Variants in KLF5 observed in about 807,000 individuals in gnomAD.
KLF5 encodes the protein KLF transcription factor 5.
Under a neutral mutation model 36.9 loss-of-function variants are expected in KLF5, and 9 were observed. The ratio of observed to expected loss-of-function variants is 0.24; its 90% CI spans 0.15 to 0.43. KLF5 has a LOEUF of 0.43. KLF5 is among the 20% of genes least tolerant of loss of function. The pLI is 1.00. For synonymous variants in KLF5, 246 were observed against 241.7 expected (o/e 1.02, Z -0.17); for missense variants, 524 against 599.5 (o/e 0.87, Z 1.31).
At chr13:73,073,132 C>T (rs2044734022) in intron 3 of KLF5, among the ~76,000 whole-genome samples, 1 of 152,128 alleles carries the variant, frequency 6.6e-6, no homozygotes, top group Non-Finnish European at 1.5e-5. Flanking sequence ...TAAAGGAAGT[C>T]AGTTTGGTTT....
At position 73,062,030 on chromosome 13, in the gene KLF5, C is replaced by T; in HGVS notation, c.431C>T (p.Thr144Ile). 1 of 1,614,132 alleles carries T rather than the reference C, an allele frequency of 6.2e-7. No homozygotes were observed. Residue 144 changes from threonine to isoleucine, a missense_variant, in exon 2 of 4, where the codon ACT becomes ATT. By Grantham distance (89) the Thr-to-Ile change is moderately conservative. Coordinates refer to ENST00000377687, the MANE Select transcript of KLF5 (RefSeq NM_001730.5). ...ATGAACGTCTTCCTCCCTGACATCACTCACCTGAGAACTGGCCTCTACAAA... is the reference window on the plus strand; with the variant it reads ...ATGAACGTCTTCCTCCCTGACATCATTCACCTGAGAACTGGCCTCTACAAA... ...INMNVFLPDITHLRTGLYKSQ... is the reference protein window; with the variant it reads ...INMNVFLPDIIHLRTGLYKSQ...
chr13:73,060,854 G>C (rs1372998943), intron 1 of KLF5, among the ~76,000 whole-genome samples: 1 of 152,178 alleles, frequency 6.6e-6, no homozygotes, highest in African/African-American at 2.4e-5. Context: ...GAAAAGGCTT[G>C]AGGCGACTTG....
intron 3 of KLF5, among the ~76,000 whole-genome samples, chr13:73,070,112 C>T (rs1011874305): frequency 1.3e-5 from 2 of 152,154 alleles, no homozygotes; most frequent in African/African-American, 4.8e-5. Flanking sequence ...GGATCTCAAA[C>T]AACAACTCTT....
intron 3 of KLF5, among the ~76,000 whole-genome samples, chr13:73,073,435 A>G (rs1490262586): frequency 1.3e-5 from 2 of 152,220 alleles, no homozygotes; most frequent in East Asian, 1.9e-4. Flanking sequence ...TTTAATGGCT[A>G]CCGTATTTCA....
upstream of KLF5, among the ~76,000 whole-genome samples, chr13:73,055,639 T>C (rs2044578465): frequency 6.6e-6 from 1 of 152,168 alleles, no homozygotes; most frequent in South Asian, 2.1e-4. Context: ...AGGACAATAA[T>C]TACAATAGTT....
At chr13:73,069,913 T>C (rs975265192) in intron 3 of KLF5, among the ~76,000 whole-genome samples, 1 of 152,214 alleles carries the variant, frequency 6.6e-6, no homozygotes, top group Non-Finnish European at 1.5e-5. Context: ...TAGAGAGTAA[T>C]GTTTTTAAAA....
At chr13:73,063,416 G>A (rs906530972) in intron 2 of KLF5, among the ~76,000 whole-genome samples, 1 of 152,120 alleles carries the variant, frequency 6.6e-6, no homozygotes, top group Non-Finnish European at 1.5e-5. Context: ...ATGGCATGAC[G>A]TGCTAAATGA....
intron 3 of KLF5, among the ~76,000 whole-genome samples, chr13:73,071,822 T>G (rs997535951): frequency 1.3e-5 from 2 of 152,208 alleles, no homozygotes; most frequent in Non-Finnish European, 2.9e-5. Context: ...CTTTAAAAGT[T>G]TGGATTGTTT....
At chr13:73,072,729 T>G (rs2044731044) in intron 3 of KLF5, among the ~76,000 whole-genome samples, 1 of 152,232 alleles carries the variant, frequency 6.6e-6, no homozygotes, top group South Asian at 2.1e-4. Flanking sequence ...CCATGGCTGC[T>G]GGTGCCTGCT....
chr13:73,065,500 A>T (rs892602044), intron 3 of KLF5, among the ~76,000 whole-genome samples: 1 of 152,196 alleles, frequency 6.6e-6, no homozygotes. Context: ...AGGTTTTTGC[A>T]TGGAGACAAA....
chr13:73,068,434 G>A (rs1298679692), intron 3 of KLF5, among the ~76,000 whole-genome samples: 1 of 152,178 alleles, frequency 6.6e-6, no homozygotes, highest in Non-Finnish European at 1.5e-5. Flanking sequence ...GCCTGGCACA[G>A]TGGCCCACAC....
intron 3 of KLF5, among the ~76,000 whole-genome samples, chr13:73,068,200 A>T (rs2044695322): frequency 6.6e-6 from 1 of 152,200 alleles, no homozygotes; most frequent in Non-Finnish European, 1.5e-5. Flanking sequence ...AGATTTCCAC[A>T]TTAAGTCCTG....
chr13:73,069,520 A>G (rs182749984), intron 3 of KLF5, among the ~76,000 whole-genome samples: 45 of 152,058 alleles, frequency 3.0e-4, no homozygotes, highest in African/African-American at 1.1e-3. Context: ...TTTCATTTGC[A>G]GCTTTGAAAT....
chr13:73,067,928 C>T (rs2044692771), intron 3 of KLF5, among the ~76,000 whole-genome samples: 2 of 151,934 alleles, frequency 1.3e-5, no homozygotes, highest in South Asian at 4.2e-4. Context: ...GCAACCTCCA[C>T]CTCCCAGGTT....
chr13:73,063,983 C>CTT (rs67730943), intron 3 of KLF5, 100 bp downstream of exon 3: 11,102 of 342,376 alleles, frequency 0.032, 102 homozygotes, highest in Middle Eastern at 0.036. Context: ...CTCCTGTCAA[C>CTT]TTTGTTTTTT....
rs779143542 is a variant in KLF5, at chr13:73,059,587, A to T, written c.260A>T (p.Gln87Leu). ...CGGCTGCCTCCAGAGGACCTGGTCCAGGTAGGAAGAGCCGCTCCCCTCCCA... is the reference window on the plus strand; with the variant it reads ...CGGCTGCCTCCAGAGGACCTGGTCCTGGTAGGAAGAGCCGCTCCCCTCCCA... ...GPRLPPEDLV[Q>L]TRCEMEKYLT... The change falls in exon 1 of 4, where the codon CAG becomes CTG. Residue 87 changes from glutamine (Q) to leucine (L), a missense_variant and splice_region_variant. By Grantham distance (113) the Gln-to-Leu change is moderately radical. This residue lies in a region of KLF5 where 454 missense variants were observed against 458.1 expected (regional missense o/e 0.99). Coordinates refer to ENST00000377687, the MANE Select transcript of KLF5 (RefSeq NM_001730.5). The T allele has an allele frequency of 8.7e-7, 1 of 1,152,548 alleles. No individual in the cohort carries two copies. The highest frequency in any genetic ancestry group is 1.1e-6 in the Non-Finnish European group (1 of 938,774). The allele number at this position is 1,152,548 out of a possible 1,614,324, so 71.4% of individuals were successfully genotyped here. A position where few individuals can be genotyped will look rare whatever the true frequency, so the allele number is the denominator to read the frequency against.
chr13:73,072,532 G>A (rs927451973), intron 3 of KLF5, among the ~76,000 whole-genome samples: 7 of 152,194 alleles, frequency 4.6e-5, no homozygotes, highest in African/African-American at 1.7e-4. Flanking sequence ...TGAACAATAT[G>A]TATGTGTTCC....
At chr13:73,068,137 G>A (rs541708091) in intron 3 of KLF5, among the ~76,000 whole-genome samples, 2 of 152,198 alleles carry the variant, frequency 1.3e-5, no homozygotes, top group South Asian at 4.1e-4. Flanking sequence ...CACCACGCCA[G>A]ACTCACAAAA....
intron 3 of KLF5, among the ~76,000 whole-genome samples, chr13:73,071,900 T>C (rs1213835486): frequency 1.3e-5 from 2 of 152,202 alleles, no homozygotes; most frequent in Admixed American, 1.3e-4. Context: ...ATTTGAGTTT[T>C]GCAAGGCATT....
Sources: gnomAD v4.1 joint callset for allele counts (sites outside exome capture counted in the v4.1 genomes callset) on GRCh38, gnomAD v4.1.1 for gene constraint, gnomAD v4.1.1 regional missense constraint, MANE v1.5 for transcripts, NCBI Gene and HGNC (gene_info 2026-07-23, HGNC 2026-07-21) for gene names.